Variants in DPYSL5 observed in about 807,000 individuals in gnomAD.
DPYSL5 encodes dihydropyrimidinase-related protein 5.
In DPYSL5, 9 loss-of-function variants were observed where a neutral mutation model predicts 58.4. The ratio of observed to expected loss-of-function variants is 0.15; its 90% CI spans 0.09 to 0.27. The LOEUF is 0.27. DPYSL5 is among the 10% of genes least tolerant of loss of function. The probability of loss-of-function intolerance (pLI) is 1.00; values close to 1 mark genes in which losing one functional copy is unlikely to be tolerated. For synonymous variants in DPYSL5, 293 were observed against 301.9 expected (o/e 0.97, Z 0.31); for missense variants, 499 against 770.6 (o/e 0.65, Z 4.17).
chr2:26,890,087 G>A (rs1663835890), intron 1 of DPYSL5, among the ~76,000 whole-genome samples: 1 of 152,190 alleles, frequency 6.6e-6, no homozygotes, highest in Non-Finnish European at 1.5e-5. Context: ...CCATCACCAT[G>A]CAGCTAGTCT....
rs145711985 is a variant in DPYSL5 at position 26,890,458 on chromosome 2, G to A, written c.-4-8038G>A. 2.6e-3 allele frequency among the ~76,000 whole-genome samples: 398 copies of A among 152,320 alleles called. 3 individuals carry two copies. The highest frequency in any genetic ancestry group is 3.3e-3 in the Non-Finnish European group (227 of 68,032). ...ATATTATCCAAACAAGCCAGTGCGG[G>A]CTTAGAGGTCCCAAGACCTTGGGAA... On this transcript the variant is annotated intron_variant, in intron 1 of 12. Transcript: ENST00000288699.
At chr2:26,862,296 G>A (rs555760293) in intron 1 of DPYSL5, among the ~76,000 whole-genome samples, 91 of 152,328 alleles carry the variant, frequency 6.0e-4, no homozygotes, top group African/African-American at 2.0e-3. Context: ...CAGCAAGTTG[G>A]TTATCAATGA....
intron 5 of DPYSL5, among the ~76,000 whole-genome samples, chr2:26,929,634 G>A (rs547894640): frequency 6.6e-5 from 10 of 152,312 alleles, no homozygotes; most frequent in African/African-American, 1.2e-4. Context: ...CCACGAAACC[G>A]GTCCCTGGTG....
chr2:26,929,967 G>A (rs1196006455), intron 5 of DPYSL5, among the ~76,000 whole-genome samples: 1 of 152,224 alleles, frequency 6.6e-6, no homozygotes, highest in Non-Finnish European at 1.5e-5. Context: ...AAATGCAGAT[G>A]GGTGGTTGGT....
intron 1 of DPYSL5, among the ~76,000 whole-genome samples, chr2:26,886,664 A>G (rs1663727207): frequency 6.6e-6 from 1 of 152,206 alleles, no homozygotes; most frequent in Non-Finnish European, 1.5e-5. Flanking sequence ...TAAATTTATT[A>G]ACTTAAACCC....
Position 26,898,406 on chromosome 2 carries a change from G to A in DPYSL5, c.-4-90G>A, listed in dbSNP as rs1664069352. 6 of 1,548,468 alleles carry A rather than the reference G, an allele frequency of 3.9e-6. No homozygotes were observed. The African/African-American group carries it at 5.4e-5, about 14-fold the overall frequency. ...CTCCTCTTCTCTGCTCACTTACCCT[G>A]ACCATGGAATTTGGGCTTTGATAGG... On this transcript the variant is annotated intron_variant, in intron 1 of 12. Transcript: ENST00000288699. This position sits in a 1 kb window ranked among gnomAD's most constrained non-coding sequence, Gnocchi z 6.1.
At chr2:26,921,270 G>A (rs952857951) in intron 2 of DPYSL5, among the ~76,000 whole-genome samples, 9 of 152,212 alleles carry the variant, frequency 5.9e-5, no homozygotes, top group African/African-American at 1.4e-4. Context: ...TTGGGAGGTC[G>A]AGGTGGATCA....
intron 1 of DPYSL5, among the ~76,000 whole-genome samples, chr2:26,863,749 C>T (rs902949823): frequency 1.3e-5 from 2 of 152,180 alleles, no homozygotes; most frequent in African/African-American, 2.4e-5. Flanking sequence ...ACCCTCCAGC[C>T]CCTGGCAACC....
At chr2:26,904,893 G>A (rs1664251250) in intron 2 of DPYSL5, among the ~76,000 whole-genome samples, 1 of 152,176 alleles carries the variant, frequency 6.6e-6, no homozygotes, top group South Asian at 2.1e-4. Flanking sequence ...GACAGAGTGA[G>A]ACCCTGTCTC....
At chr2:26,859,352 G>GT (rs879534321) in intron 1 of DPYSL5, among the ~76,000 whole-genome samples, 2,541 of 142,958 alleles carry the variant, frequency 0.018, 67 homozygotes, top group African/African-American at 0.053. Context: ...TAGAGATTGT[G>GT]TTTTTTTTTT....
At chr2:26,882,450 T>TGTGG (rs1378789370) in intron 1 of DPYSL5, among the ~76,000 whole-genome samples, 2 of 151,636 alleles carry the variant, frequency 1.3e-5, no homozygotes, top group Non-Finnish European at 2.9e-5. Flanking sequence ...TGTGTGTGTG[T>TGTGG]GTGTGTATGT....
chr2:26,946,926 C>A lies in DPYSL5; in HGVS notation c.1626C>A (p.Asp542Glu). The change falls in exon 13 of 13, where the codon GAC (aspartate) becomes GAA (glutamate). Residue 542 changes from aspartate to glutamate, a missense_variant. By Grantham distance (45) the Asp-to-Glu change is conservative. This residue lies in a region of DPYSL5 where 33 missense variants were observed against 63.8 expected (regional missense o/e 0.52). Coordinates refer to ENST00000288699, the MANE Select transcript of DPYSL5 (RefSeq NM_020134.4). ...SFSLSGSQID[D>E]HVPKRASARI... Reference sequence around the variant, plus strand: ...TCCCTGCAGGCTCTCAGATCGATGACCATGTTCCAAAGCGAGCTTCAGCTC... The same window carrying A: ...TCCCTGCAGGCTCTCAGATCGATGAACATGTTCCAAAGCGAGCTTCAGCTC... 2 of 1,614,128 alleles carry A rather than the reference C, an allele frequency of 1.2e-6. No individual in the cohort carries two copies. Among genetic ancestry groups the A allele is most frequent in the Non-Finnish European group, 1.7e-6 (2 of 1,179,940 alleles).
rs1487124992 is a variant in DPYSL5, at chr2:26,946,847, G to T, written c.1610-63G>T. 1.1e-5 allele frequency: 15 copies of T among 1,313,358 alleles called. No homozygotes were observed. In the South Asian group the frequency reaches 1.2e-4, roughly 11 times the overall value. 81.4% of individuals were successfully genotyped at this position (1,313,358 alleles called of 1,614,324 possible). A position where few individuals can be genotyped will look rare whatever the true frequency, so the allele number is the denominator to read the frequency against. On this transcript the variant is annotated intron_variant, in intron 12 of 12. Transcript: ENST00000288699. ...GCACACAGTGAGCCTCCAGGAGAGGGTGTCTGTGGTTTGTTAGCAGGCACA... is the reference window on the plus strand; with the variant it reads ...GCACACAGTGAGCCTCCAGGAGAGGTTGTCTGTGGTTTGTTAGCAGGCACA...
At chr2:26,860,693 C>T (rs988043799) in intron 1 of DPYSL5, among the ~76,000 whole-genome samples, 1 of 152,116 alleles carries the variant, frequency 6.6e-6, no homozygotes, top group Middle Eastern at 3.2e-3. Context: ...TACCATACAG[C>T]CATTACAAAG....
rs760085655 is a variant in DPYSL5 at position 26,925,091 on chromosome 2, T to A, written c.420+46T>A. 6.3e-7 allele frequency: 1 copy of A among 1,598,460 alleles called. No homozygotes were observed. The highest frequency in any genetic ancestry group is 8.5e-7 in the Non-Finnish European group (1 of 1,170,408). On this transcript the variant is annotated intron_variant, in intron 3 of 12. Transcript: ENST00000288699. The surrounding 1 kb of genome is among the most constrained non-coding windows in gnomAD (Gnocchi z 4.5). ...CCAGAAGAAGGCACAAGTGGTCTTG[T>A]AGGCAGAGGGGCTGGTTGGGGTGCA...
intron 12 of DPYSL5, 32 bp from the exon 13 acceptor site, chr2:26,946,878 C>T (rs1665499969): frequency 6.3e-7 from 1 of 1,587,834 alleles, no homozygotes; most frequent in African/African-American, 1.3e-5. Flanking sequence ...GCACAAGAGC[C>T]CGTCTCACCC....
chr2:26,937,831 G>T (rs539650099), intron 8 of DPYSL5, among the ~76,000 whole-genome samples: 1 of 152,114 alleles, frequency 6.6e-6, no homozygotes, highest in East Asian at 1.9e-4. Context: ...CTCCCAAAGT[G>T]CTGGGGTTAC....
At chr2:26,931,430 T>G (rs1320245527) in intron 5 of DPYSL5, among the ~76,000 whole-genome samples, 1 of 151,726 alleles carries the variant, frequency 6.6e-6, no homozygotes, top group African/African-American at 2.4e-5. Flanking sequence ...AAGCCCCAAG[T>G]AGCATCCAGC....
chr2:26,917,094 G>A (rs1280666955), intron 2 of DPYSL5, among the ~76,000 whole-genome samples: 1 of 152,170 alleles, frequency 6.6e-6, no homozygotes, highest in Non-Finnish European at 1.5e-5. Flanking sequence ...TTTTACAAAT[G>A]GAGAAACGGA....
Sources: gnomAD v4.1 joint callset for allele counts (sites outside exome capture counted in the v4.1 genomes callset) on GRCh38, gnomAD v4.1.1 for gene constraint, gnomAD v4.1.1 regional missense constraint, Gnocchi (gnomAD v3.1) non-coding constraint, MANE v1.5 for transcripts, NCBI Gene and HGNC (gene_info 2026-07-23, HGNC 2026-07-21) for gene names.